Variants in MYO3B observed in about 807,000 individuals in gnomAD.
The protein encoded by MYO3B is myosin IIIB.
A neutral mutation model predicts 174.6 loss-of-function variants in MYO3B; 156 were observed. That is an observed-to-expected ratio of 0.89 (90% CI 0.78 to 1.02). The LOEUF is 1.02. MYO3B is among the 50% of genes least tolerant of loss of function. The pLI, the probability that MYO3B is intolerant of heterozygous loss-of-function variation, is 0.00. For synonymous variants in MYO3B, 563 were observed against 569.1 expected (o/e 0.99, Z 0.15); for missense variants, 1,632 against 1,639.4 (o/e 1.00, Z 0.08).
At chr2:170,321,446 A>G (rs2093825834) in intron 7 of MYO3B, among the ~76,000 whole-genome samples, 1 of 152,190 alleles carries the variant, frequency 6.6e-6, no homozygotes, top group Admixed American at 6.5e-5. Context: ...TAAATATACA[A>G]AAAATAAAAA....
At chr2:170,550,695 G>T (rs1274066731) in intron 32 of MYO3B, among the ~76,000 whole-genome samples, 1 of 152,184 alleles carries the variant, frequency 6.6e-6, no homozygotes, top group Non-Finnish European at 1.5e-5. Flanking sequence ...CTTTGCAGCT[G>T]TTGTTTTCCA....
At chr2:170,391,135 T>C (rs2094409055) in intron 14 of MYO3B, among the ~76,000 whole-genome samples, 1 of 152,128 alleles carries the variant, frequency 6.6e-6, no homozygotes, top group Non-Finnish European at 1.5e-5. Context: ...CCACTTCCTG[T>C]CTAGGGCTCC....
At chr2:170,553,932 A>G (rs535575801) in intron 32 of MYO3B, among the ~76,000 whole-genome samples, 3 of 152,270 alleles carry the variant, frequency 2.0e-5, no homozygotes, top group Admixed American at 6.5e-5. Context: ...TCCTGCTGAC[A>G]TGTGAAAACG....
chr2:170,404,648 T>C (rs571765662), intron 20 of MYO3B, among the ~76,000 whole-genome samples: 1 of 152,298 alleles, frequency 6.6e-6, no homozygotes, highest in East Asian at 1.9e-4. Context: ...TACCCCCATG[T>C]TGATTTCATT....
At chr2:170,409,017 T>A (rs78968652) in intron 22 of MYO3B, among the ~76,000 whole-genome samples, 2,248 of 152,138 alleles carry the variant, frequency 0.015, 61 homozygotes, top group African/African-American at 0.051. Flanking sequence ...GGATGTAGAC[T>A]CCTCATCAGG....
intron 6 of MYO3B, among the ~76,000 whole-genome samples, chr2:170,234,362 A>G (rs2355349): frequency 0.66 from 100,663 of 152,002 alleles, 33,852 homozygotes; most frequent in African/African-American, 0.78. Flanking sequence ...CCTTCATACT[A>G]TGTCCTCACA....
At position 170,563,119 on chromosome 2, in the gene MYO3B, TACACACACACACAC is replaced by T. The variant is rs56807707; in HGVS notation, c.3733+19145_3733+19158del. ...TCTTTCTCTCTCTCTCTCTCACACA[TACACACACACACAC>T]ACACACACACACATACACACACACA... On this transcript the variant is annotated intron_variant, in intron 32 of 34. Coordinates refer to ENST00000408978, the MANE Select transcript of MYO3B (RefSeq NM_138995.5). Among the ~76,000 whole-genome samples the T allele has an allele frequency of 5.2e-4, 57 of 110,454 alleles. 1 individual carries two copies. The East Asian group carries it at 0.012, about 23-fold the overall frequency. The allele number at this position is 110,454 out of a possible 152,430, so 72.5% of individuals were successfully genotyped here. A position where few individuals can be genotyped will look rare whatever the true frequency, so the allele number is the denominator to read the frequency against.
chr2:170,364,672 T>C (rs1164840966), intron 8 of MYO3B, among the ~76,000 whole-genome samples: 1 of 152,208 alleles, frequency 6.6e-6, no homozygotes, highest in African/African-American at 2.4e-5. Context: ...TCTATCTTGC[T>C]TTATAAAAGG....
chr2:170,591,156 T>C (rs1169199741), intron 32 of MYO3B, among the ~76,000 whole-genome samples: 1 of 152,192 alleles, frequency 6.6e-6, no homozygotes, highest in Non-Finnish European at 1.5e-5. Context: ...TTTAGGAAAA[T>C]CTATTGACAT....
At chr2:170,428,403 G>A (rs966096664) in intron 22 of MYO3B, among the ~76,000 whole-genome samples, 3 of 152,064 alleles carry the variant, frequency 2.0e-5, no homozygotes, top group Non-Finnish European at 1.5e-5. Flanking sequence ...CCCACTTCAG[G>A]GGTCTTTTAG....
At chr2:170,249,586 A>G (rs1419473899) in intron 7 of MYO3B, among the ~76,000 whole-genome samples, 4 of 152,220 alleles carry the variant, frequency 2.6e-5, no homozygotes, top group Admixed American at 2.6e-4. Context: ...CAAATCAAAA[A>G]ACAAGAAAAA....
rs569309817 is a variant in MYO3B at position 170,619,604 on chromosome 2, C to T, written c.3734-32024C>T. On this transcript the variant is annotated intron_variant, in intron 32 of 34. Coordinates refer to ENST00000408978, the MANE Select transcript of MYO3B (RefSeq NM_138995.5). ...CAACCACGTCTCTCACCACATGGGACTCTTTACAGGACTGCGTTACCATGT... is the reference window on the plus strand; with the variant it reads ...CAACCACGTCTCTCACCACATGGGATTCTTTACAGGACTGCGTTACCATGT... Among the ~76,000 whole-genome samples the T allele has an allele frequency of 1.1e-4, 17 of 152,138 alleles. No individual in the cohort carries two copies. In the South Asian group the frequency reaches 2.1e-3, roughly 19 times the overall value.
intron 22 of MYO3B, among the ~76,000 whole-genome samples, chr2:170,419,857 G>A (rs1357438453): frequency 6.6e-6 from 1 of 152,132 alleles, no homozygotes; most frequent in African/African-American, 2.4e-5. Context: ...TGGGGAAAAA[G>A]CTGCGAATTG....
chr2:170,263,437 G>A (rs971500913), intron 7 of MYO3B, among the ~76,000 whole-genome samples: 1 of 152,168 alleles, frequency 6.6e-6, no homozygotes, highest in African/African-American at 2.4e-5. Flanking sequence ...ACCGGCACCA[G>A]TCTCTGAATT....
At chr2:170,476,994 CG>C (rs1476661626) in intron 25 of MYO3B, among the ~76,000 whole-genome samples, 5 of 152,100 alleles carry the variant, frequency 3.3e-5, no homozygotes, top group African/African-American at 1.2e-4. Flanking sequence ...TCTAAGGAAC[CG>C]GATATGTCAG....
intron 6 of MYO3B, among the ~76,000 whole-genome samples, chr2:170,217,803 T>G (rs1369962539): frequency 6.6e-6 from 1 of 152,196 alleles, no homozygotes; most frequent in Non-Finnish European, 1.5e-5. Flanking sequence ...GCGGTGGCCC[T>G]GGTTGTTTTT....
intron 7 of MYO3B, among the ~76,000 whole-genome samples, chr2:170,255,535 C>T (rs2093297293): frequency 6.6e-6 from 1 of 152,116 alleles, no homozygotes; most frequent in Non-Finnish European, 1.5e-5. Context: ...AAATTAGCTA[C>T]AACCAAGGAA....
intron 32 of MYO3B, among the ~76,000 whole-genome samples, chr2:170,621,709 G>A (rs934043597): frequency 3.3e-5 from 5 of 151,372 alleles, no homozygotes; most frequent in Non-Finnish European, 7.4e-5. Context: ...ATGTTATTTC[G>A]TCATGTTGGT....
intron 1 of MYO3B, among the ~76,000 whole-genome samples, chr2:170,182,395 A>G (rs536469608): frequency 2.6e-5 from 4 of 152,162 alleles, no homozygotes; most frequent in African/African-American, 7.2e-5. Context: ...TCTTTTGCCT[A>G]TTGATTTGTA....
Sources: gnomAD v4.1 joint callset for allele counts (sites outside exome capture counted in the v4.1 genomes callset) on GRCh38, gnomAD v4.1.1 for gene constraint, MANE v1.5 for transcripts, NCBI Gene and HGNC (gene_info 2026-07-23, HGNC 2026-07-21) for gene names.